Variants in FARSB observed in about 807,000 individuals in gnomAD.
FARSB encodes the protein phenylalanyl-tRNA synthetase subunit beta, also known as phenylalanine--tRNA ligase beta subunit.
FARSB carries 40 observed loss-of-function variants against 69.6 expected under a neutral mutation model. The observed-to-expected ratio is 0.57, with a 90% CI of 0.45 to 0.75. The LOEUF is 0.75. Ranked by LOEUF, FARSB falls within the 30% of genes least tolerant of loss-of-function variation. The probability of loss-of-function intolerance (pLI) is 0.00; values close to 1 mark genes in which losing one functional copy is unlikely to be tolerated. For synonymous variants in FARSB, 235 were observed against 247.2 expected, an observed-to-expected ratio of 0.95 and a Z score of 0.46; for missense variants, 632 against 722.9, an observed-to-expected ratio of 0.87 and a Z score of 1.44.
chr2:222,585,118 G>C (rs1370764725), intron 16 of FARSB, among the ~76,000 whole-genome samples: 1 of 152,194 alleles, frequency 6.6e-6, no homozygotes, highest in Non-Finnish European at 1.5e-5. Flanking sequence ...ACCTCATACA[G>C]CCGGGTGGCC....
chr2:222,594,335 T>C (rs530542947), intron 16 of FARSB, among the ~76,000 whole-genome samples: 1 of 152,236 alleles, frequency 6.6e-6, no homozygotes, highest in African/African-American at 2.4e-5. Context: ...CATTGCTGAT[T>C]GGCAAATATA....
intron 16 of FARSB, among the ~76,000 whole-genome samples, chr2:222,580,995 G>A (rs75245514): frequency 0.032 from 4,899 of 152,234 alleles, 252 homozygotes; most frequent in African/African-American, 0.11. Flanking sequence ...AAGACCCTCA[G>A]CAAGAAGATC....
intron 10 of FARSB, among the ~76,000 whole-genome samples, chr2:222,627,397 T>G (rs762582010): frequency 1.2e-4 from 19 of 152,306 alleles, no homozygotes; most frequent in Non-Finnish European, 2.1e-4. Flanking sequence ...ATGTGAGTTG[T>G]TGACCCCACT....
intron 15 of FARSB, among the ~76,000 whole-genome samples, chr2:222,605,909 T>G (rs1480094148): frequency 1.3e-5 from 2 of 152,126 alleles, no homozygotes; most frequent in African/African-American, 4.8e-5. Flanking sequence ...AGTGACAGAG[T>G]GAGACCCTGC....
At chr2:222,591,340 A>T (rs1461934378) in intron 16 of FARSB, among the ~76,000 whole-genome samples, 1 of 152,198 alleles carries the variant, frequency 6.6e-6, no homozygotes, top group East Asian at 1.9e-4. Flanking sequence ...GTATCCAGAA[A>T]TGTCAAAAAC....
At chr2:222,574,446 G>A (rs1032941487) in intron 16 of FARSB, among the ~76,000 whole-genome samples, 4 of 152,174 alleles carry the variant, frequency 2.6e-5, no homozygotes, top group African/African-American at 9.7e-5. Flanking sequence ...GACCCATCCA[G>A]GCCACTGCAG....
chr2:222,589,065 C>A (rs1230618658), intron 16 of FARSB, among the ~76,000 whole-genome samples: 1 of 152,102 alleles, frequency 6.6e-6, no homozygotes, highest in Non-Finnish European at 1.5e-5. Flanking sequence ...CAATCCTAAG[C>A]AAAAAGAACA....
At chr2:222,607,752 AG>A (rs199859166) in intron 15 of FARSB, among the ~76,000 whole-genome samples, 2 of 151,168 alleles carry the variant, frequency 1.3e-5, no homozygotes, top group Non-Finnish European at 3.0e-5. Flanking sequence ...TTTTTTAAAA[AG>A]AAATAAAGCT....
chr2:222,608,725 T>C (rs1397933566), intron 15 of FARSB, among the ~76,000 whole-genome samples: 1 of 152,116 alleles, frequency 6.6e-6, no homozygotes, highest in Non-Finnish European at 1.5e-5. Flanking sequence ...TGTCAGTGAT[T>C]TGAGGGGTAG....
rs1022727676 is a variant in FARSB at position 222,573,130 on chromosome 2, G to C, written c.1619-1108C>G. Among the ~76,000 whole-genome samples, 3 of 152,144 alleles carry C rather than the reference G, an allele frequency of 2.0e-5. No homozygotes were observed. In the East Asian group the frequency reaches 5.8e-4, roughly 29 times the overall value. On this transcript the variant is annotated intron_variant, in intron 16 of 16. Coordinates refer to ENST00000281828, the MANE Select transcript of FARSB (RefSeq NM_005687.5). ...AAATACAGAATCAGGTTGGAGGGGA[G>C]GGGAACCGGCTACTGTCAAGTTAGT...
intron 2 of FARSB, among the ~76,000 whole-genome samples, chr2:222,645,226 A>G (rs1329210229): frequency 2.0e-5 from 3 of 152,238 alleles, no homozygotes; most frequent in Non-Finnish European, 4.4e-5. Flanking sequence ...GAGTTCAGAC[A>G]GGCAAAGTAA....
chr2:222,594,620 A>G (rs1690364562), intron 16 of FARSB, among the ~76,000 whole-genome samples: 1 of 152,292 alleles, frequency 6.6e-6, no homozygotes, highest in Non-Finnish European at 1.5e-5. Context: ...AAGGAAAAAG[A>G]AAATATCTAA....
intron 4 of FARSB, 62 bp downstream of exon 4, chr2:222,640,800 C>A: frequency 1.2e-6 from 1 of 824,518 alleles, no homozygotes; most frequent in South Asian, 1.6e-5. Flanking sequence ...TTCCTCCCCA[C>A]TTTATACAGA....
At chr2:222,587,557 A>G (rs535356028) in intron 16 of FARSB, among the ~76,000 whole-genome samples, 32 of 152,342 alleles carry the variant, frequency 2.1e-4, no homozygotes, top group African/African-American at 7.2e-4. Context: ...CAAAAAATCA[A>G]TGAATCCAGG....
At chr2:222,642,540 C>T (rs142164658) in intron 3 of FARSB, among the ~76,000 whole-genome samples, 1 of 152,222 alleles carries the variant, frequency 6.6e-6, no homozygotes, top group Non-Finnish European at 1.5e-5. Context: ...GTGAACTACT[C>T]ATTCCAATTA....
Position 222,599,952 on chromosome 2 carries a change from C to G in FARSB, c.1594G>C (p.Gly532Arg). The G allele has an allele frequency of 6.2e-7, 1 of 1,602,414 alleles. No homozygotes were observed. The highest frequency in any genetic ancestry group is 8.5e-7 in the Non-Finnish European group (1 of 1,177,246). ...LDVPPGEDKG[G>R]YVIKASEGPA... ...CCTTCTGATGCTTTGATCACATATC[C>G]CCCCTTGTCTTCACCAGGAGGCACA... is the stretch of plus-strand genomic sequence containing the variant. Residue 532 changes from glycine to arginine, a missense_variant, in exon 16 of 17, where the codon GGA becomes CGA. Physicochemically the swap from Gly to Arg is moderately radical, Grantham distance 125 (BLOSUM62 -2). Transcript: ENST00000281828.
At chr2:222,636,311 G>A (rs1023397584) in intron 5 of FARSB, among the ~76,000 whole-genome samples, 4 of 148,592 alleles carry the variant, frequency 2.7e-5, no homozygotes, top group Non-Finnish European at 5.9e-5. Context: ...GGAGGCTGAG[G>A]CATGAGAATG....
At chr2:222,577,072 GAGC>G (rs1469392397) in intron 16 of FARSB, among the ~76,000 whole-genome samples, 1 of 152,086 alleles carries the variant, frequency 6.6e-6, no homozygotes, top group Non-Finnish European at 1.5e-5. Flanking sequence ...TAAGACATTA[GAGC>G]TTATAAAAGG....
chr2:222,650,515 C>A (rs573251322), intron 1 of FARSB, among the ~76,000 whole-genome samples: 8 of 152,024 alleles, frequency 5.3e-5, no homozygotes, highest in Admixed American at 1.3e-4. Flanking sequence ...GGCTCGATGG[C>A]CGAATGATGG....
Sources: allele counts gnomAD v4.1 joint callset (sites outside exome capture counted in the v4.1 genomes callset), GRCh38; gene constraint gnomAD v4.1.1; transcripts MANE v1.5; gene names NCBI Gene and HGNC (gene_info 2026-07-23, HGNC 2026-07-21).